The following TRAT1 variants were observed in gnomAD, a reference collection of about 807,000 sequenced individuals.
TRAT1 encodes T cell receptor associated transmembrane adaptor 1.
In TRAT1, 20 loss-of-function variants were observed where a neutral mutation model predicts 20.0. The observed-to-expected ratio is 1.00, with a 90% CI of 0.70 to 1.45. TRAT1 has a LOEUF of 1.45. Ranked by LOEUF, TRAT1 falls within the 40% of genes most tolerant of loss-of-function variation. The pLI, the probability that TRAT1 is intolerant of heterozygous loss-of-function variation, is 0.00. For missense variants in TRAT1, 237 were observed against 224.1 expected, an observed-to-expected ratio of 1.06 and a Z score of -0.37; for synonymous variants, 77 against 74.2, an observed-to-expected ratio of 1.04 and a Z score of -0.20.
At position 108,830,786 on chromosome 3, in the gene TRAT1, A is replaced by G. The variant is rs539870574; in HGVS notation, c.118+6A>G. ...TGTGGAAAAGCAACGACAAGGTAAGACATTTTGACAAATTTCACATGGTAC... is the reference window on the plus strand; with the variant it reads ...TGTGGAAAAGCAACGACAAGGTAAGGCATTTTGACAAATTTCACATGGTAC... On this transcript the variant is annotated splice_donor_region_variant and intron_variant, in intron 2 of 5. Transcript: ENST00000295756. 4 of 1,586,386 alleles carry G rather than the reference A, an allele frequency of 2.5e-6. No homozygotes were observed. In the East Asian group the frequency reaches 6.7e-5, roughly 27 times the overall value.
chr3:108,824,267 C>T (rs763933568), intron 1 of TRAT1, among the ~76,000 whole-genome samples: 24 of 152,092 alleles, frequency 1.6e-4, no homozygotes, highest in Non-Finnish European at 2.9e-4. Context: ...AGAAAACTTT[C>T]TAGAACTGAA....
intron 3 of TRAT1, chr3:108,839,431 AGG>A: frequency 1.3e-5 from 2 of 153,178 alleles, no homozygotes; most frequent in Non-Finnish European, 2.9e-5. Context: ...CAGGAGATGG[AGG>A]CCATCCTGGC....
At chr3:108,833,998 GAA>G (rs1444868053) in intron 2 of TRAT1, among the ~76,000 whole-genome samples, 6 of 152,214 alleles carry the variant, frequency 3.9e-5, no homozygotes, top group African/African-American at 1.2e-4. Context: ...TTATTTTGGT[GAA>G]CATTGGTTTC....
intron 3 of TRAT1, among the ~76,000 whole-genome samples, chr3:108,840,186 C>T (rs1253563112): frequency 6.6e-6 from 1 of 152,198 alleles, no homozygotes; most frequent in South Asian, 2.1e-4. Context: ...CCGTCACACA[C>T]AAAATCTGTT....
intron 2 of TRAT1, among the ~76,000 whole-genome samples, chr3:108,836,207 C>T (rs937242493): frequency 1.3e-5 from 2 of 152,102 alleles, no homozygotes; most frequent in Non-Finnish European, 2.9e-5. Flanking sequence ...CATGAGCCAC[C>T]GTGCCCGGCC....
Position 108,853,628 on chromosome 3 carries a change from T to C in TRAT1, c.312T>C (p.Asn104=). ...QEATPSAQAT[N]ETQMCYASLD... ...ACATCCCTTTCTTTTAGGCAACCAA[T>C]GAAACACAGATGTGCTACGCCTCAC... The change falls in exon 6 of 6, where the codon AAT becomes AAC. Residue 104 remains asparagine (N), a synonymous_variant. Coordinates refer to ENST00000295756, the MANE Select transcript of TRAT1 (RefSeq NM_016388.4). 6.2e-7 allele frequency: 1 copy of C among 1,612,646 alleles called. No individual in the cohort carries two copies. Among genetic ancestry groups the C allele is most frequent in the Non-Finnish European group, 8.5e-7 (1 of 1,179,090 alleles).
At chr3:108,845,940 A>G (rs567928203) in intron 3 of TRAT1, among the ~76,000 whole-genome samples, 1 of 152,276 alleles carries the variant, frequency 6.6e-6, no homozygotes, top group East Asian at 1.9e-4. Context: ...TAATAGCATT[A>G]CTCACGTGAG....
chr3:108,827,392 G>A (rs1035253375), intron 1 of TRAT1, among the ~76,000 whole-genome samples: 1 of 114,694 alleles, frequency 8.7e-6, no homozygotes, highest in East Asian at 3.2e-4. Flanking sequence ...GTATGTGTGT[G>A]TGTGTGTGTG....
At chr3:108,833,799 TACACAC>T (rs3054303) in intron 2 of TRAT1, among the ~76,000 whole-genome samples, 4,860 of 146,660 alleles carry the variant, frequency 0.033, 106 homozygotes, top group Middle Eastern at 0.1. Context: ...TTGTAAGAAT[TACACAC>T]ACACACACAC....
rs909594844 is a variant in TRAT1 at position 108,830,725 on chromosome 3, T to A, written c.63T>A (p.Ala21=). 9.3e-6 allele frequency: 15 copies of A among 1,613,912 alleles called. No homozygotes were observed. The African/African-American group carries it at 2.0e-4, about 22-fold the overall frequency. The change falls in exon 2 of 6, where the codon GCT becomes GCA. Residue 21 remains alanine (A), a synonymous_variant. Transcript: ENST00000295756. ...GACTTCTAGCATTGTTGGGCTTGGC[T>A]TTGGTTATATCACTGATCTTCAATA... ...LWGLLALLGL[A]LVISLIFNIS...
intron 1 of TRAT1, among the ~76,000 whole-genome samples, chr3:108,826,868 A>G (rs1170027554): frequency 6.6e-6 from 1 of 152,212 alleles, no homozygotes; most frequent in Non-Finnish European, 1.5e-5. Flanking sequence ...CTAATTGTTT[A>G]AGTAAAGGCT....
chr3:108,835,584 T>C (rs545931856), intron 2 of TRAT1, among the ~76,000 whole-genome samples: 1 of 152,266 alleles, frequency 6.6e-6, no homozygotes, highest in South Asian at 2.1e-4. Flanking sequence ...CAAAACAAAA[T>C]TACCCAAGTA....
intron 1 of TRAT1, among the ~76,000 whole-genome samples, chr3:108,827,657 G>C (rs759756794): frequency 6.6e-6 from 1 of 151,884 alleles, no homozygotes; most frequent in South Asian, 2.1e-4. Context: ...CAGGAATTAC[G>C]GACCCTAAAA....
chr3:108,854,120 C>T lies in TRAT1; in HGVS notation c.*243C>T, dbSNP rs1403862884. ...TACTAAAATGTAAAAAATTAATGTGCTCACCTCGGCAGCACATATACTAAA... is the reference window on the plus strand; with the variant it reads ...TACTAAAATGTAAAAAATTAATGTGTTCACCTCGGCAGCACATATACTAAA... On this transcript the variant is annotated 3_prime_UTR_variant, in exon 6 of 6. Coordinates refer to ENST00000295756, the MANE Select transcript of TRAT1 (RefSeq NM_016388.4). The T allele has an allele frequency of 4.9e-6, 2 of 405,028 alleles. No individual in the cohort carries two copies. Among genetic ancestry groups the T allele is most frequent in the East Asian group, 7.4e-5 (2 of 27,128 alleles). The allele number at this position is 405,028 out of a possible 1,614,324, so 25.1% of individuals were successfully genotyped here.
At chr3:108,849,002 C>G (rs187958854) in intron 4 of TRAT1, among the ~76,000 whole-genome samples, 164 bp from the exon 5 acceptor site, 1 of 152,296 alleles carries the variant, frequency 6.6e-6, no homozygotes, top group East Asian at 1.9e-4. Context: ...CTGCAGGTAA[C>G]AGTTTGGGCT....
chr3:108,838,677 C>T (rs1295106753), intron 2 of TRAT1, among the ~76,000 whole-genome samples: 2 of 152,154 alleles, frequency 1.3e-5, no homozygotes, highest in South Asian at 2.1e-4. Flanking sequence ...ACTGTTTCCA[C>T]CCCAAATTAC....
intron 4 of TRAT1, 169 bp downstream of exon 4, chr3:108,847,298 T>C (rs1945956542): frequency 2.0e-6 from 1 of 502,834 alleles, no homozygotes. Context: ...AAGCTGCATA[T>C]TGTAAGTTGT....
chr3:108,832,506 G>A (rs1305093083), intron 2 of TRAT1, among the ~76,000 whole-genome samples: 1 of 152,066 alleles, frequency 6.6e-6, no homozygotes, highest in Non-Finnish European at 1.5e-5. Flanking sequence ...GCTCAGAGTA[G>A]CACTTTGCTT....
At chr3:108,833,355 T>A (rs186309634) in intron 2 of TRAT1, among the ~76,000 whole-genome samples, 1 of 152,140 alleles carries the variant, frequency 6.6e-6, no homozygotes, top group East Asian at 1.9e-4. Flanking sequence ...GAGGCAGAGG[T>A]TGCCATGAGC....
Sources: allele counts gnomAD v4.1 joint callset (sites outside exome capture counted in the v4.1 genomes callset), GRCh38; gene constraint gnomAD v4.1.1; transcripts MANE v1.5; gene names NCBI Gene and HGNC (gene_info 2026-07-23, HGNC 2026-07-21).